The following GABRG3 variants were observed in gnomAD, a reference collection of about 807,000 sequenced individuals.
GABRG3 encodes the protein gamma-aminobutyric acid receptor subunit gamma-3.
In GABRG3, 25 loss-of-function variants were observed where a neutral mutation model predicts 48.8. That is an observed-to-expected ratio of 0.51 (90% CI 0.37 to 0.72). The LOEUF (loss-of-function observed/expected upper bound fraction) is 0.72, where lower values mean the gene tolerates loss of function less well. Among genes scored for constraint, GABRG3 ranks in the 30% least tolerant of loss-of-function variants. The pLI is 0.00. For synonymous variants in GABRG3, 227 were observed against 217.6 expected (o/e 1.04, Z -0.38); for missense variants, 394 against 577.9 (o/e 0.68, Z 3.26).
At chr15:27,313,238 A>ATGTGTGTG (rs1269940849) in intron 3 of GABRG3, among the ~76,000 whole-genome samples, 3 of 77,594 alleles carry the variant, frequency 3.9e-5, no homozygotes, top group Non-Finnish European at 7.3e-5. Flanking sequence ...GTATATGTAT[A>ATGTGTGTG]TATGTGTGTG....
intron 3 of GABRG3, among the ~76,000 whole-genome samples, chr15:27,297,439 C>A (rs1892033985): frequency 6.6e-6 from 1 of 152,136 alleles, no homozygotes; most frequent in Admixed American, 6.6e-5. Context: ...ATGACCTATA[C>A]AGGTGTAGCA....
At chr15:27,245,281 C>G (rs1358624583) in intron 3 of GABRG3, among the ~76,000 whole-genome samples, 1 of 152,072 alleles carries the variant, frequency 6.6e-6, no homozygotes, top group Non-Finnish European at 1.5e-5. Context: ...TTTGGAAACA[C>G]CAGATTTTTC....
intron 3 of GABRG3, among the ~76,000 whole-genome samples, chr15:27,080,860 G>C (rs1406445103): frequency 6.6e-6 from 1 of 152,170 alleles, no homozygotes; most frequent in Non-Finnish European, 1.5e-5. Flanking sequence ...CCAAGCCTGG[G>C]AGGCAAAAGG....
At chr15:27,297,447 G>A (rs1032005520) in intron 3 of GABRG3, among the ~76,000 whole-genome samples, 6 of 152,022 alleles carry the variant, frequency 3.9e-5, no homozygotes, top group African/African-American at 1.2e-4. Context: ...TACAGGTGTA[G>A]CATTTTTTAT....
At chr15:27,510,158 A>G (rs1461353051) in intron 6 of GABRG3, among the ~76,000 whole-genome samples, 1 of 152,086 alleles carries the variant, frequency 6.6e-6, no homozygotes, top group Non-Finnish European at 1.5e-5. Flanking sequence ...CACCTGGACT[A>G]CACTGCTGTT....
At chr15:27,515,167 A>G (rs1268551244) in intron 6 of GABRG3, among the ~76,000 whole-genome samples, 2 of 151,914 alleles carry the variant, frequency 1.3e-5, no homozygotes, top group Non-Finnish European at 2.9e-5. Context: ...TTCTCGGCTC[A>G]CTGCAACCTC....
At chr15:27,503,421 C>T (rs1355069230) in intron 6 of GABRG3, among the ~76,000 whole-genome samples, 2 of 152,182 alleles carry the variant, frequency 1.3e-5, no homozygotes, top group East Asian at 1.9e-4. Flanking sequence ...CCTTCACACC[C>T]TCTTTAACTC....
intron 3 of GABRG3, among the ~76,000 whole-genome samples, chr15:27,129,440 A>G (rs1329418813): frequency 2.0e-5 from 3 of 152,324 alleles, no homozygotes; most frequent in East Asian, 3.9e-4. Flanking sequence ...TTATTTAACC[A>G]TTCAATCTTA....
At chr15:27,408,669 G>C (rs549724441) in intron 5 of GABRG3, among the ~76,000 whole-genome samples, 1 of 152,034 alleles carries the variant, frequency 6.6e-6, no homozygotes, top group Non-Finnish European at 1.5e-5. Flanking sequence ...TTTCTACTTC[G>C]GGGTGACTGC....
At chr15:27,399,837 C>T (rs951661776) in intron 5 of GABRG3, among the ~76,000 whole-genome samples, 4 of 152,228 alleles carry the variant, frequency 2.6e-5, no homozygotes, top group Non-Finnish European at 5.9e-5. Flanking sequence ...CAGAAAAGAT[C>T]GGCGTTGAAT....
intron 5 of GABRG3, among the ~76,000 whole-genome samples, chr15:27,351,148 GTGTA>G (rs1323021736): frequency 2.0e-5 from 3 of 149,304 alleles, no homozygotes; most frequent in Admixed American, 6.7e-5. Flanking sequence ...TATGGTGTGT[GTGTA>G]TGGTGCATGT....
At chr15:27,126,129 A>G (rs562407189) in intron 3 of GABRG3, among the ~76,000 whole-genome samples, 1 of 140,038 alleles carries the variant, frequency 7.1e-6, no homozygotes, top group South Asian at 2.2e-4. Flanking sequence ...AACCAGCGGC[A>G]TGACATAAAA....
rs139411975 is a variant in GABRG3, at chr15:27,420,445, G to A, written c.575-60205G>A. Among the ~76,000 whole-genome samples the A allele has an allele frequency of 9.2e-5, 14 of 152,288 alleles. No homozygotes were observed. In the East Asian group the frequency reaches 2.3e-3, roughly 25 times the overall value. On this transcript the variant is annotated intron_variant, in intron 5 of 9. Coordinates refer to ENST00000615808, the MANE Select transcript of GABRG3 (RefSeq NM_033223.5). ...GAAGAGTTCAACATTTCAGTTATGCGAGATGAGTACGTTCTGGACACCCAG... is the reference window on the plus strand; with the variant it reads ...GAAGAGTTCAACATTTCAGTTATGCAAGATGAGTACGTTCTGGACACCCAG...
intron 3 of GABRG3, among the ~76,000 whole-genome samples, chr15:27,281,181 C>T (rs74371710): frequency 0.016 from 2,440 of 152,136 alleles, 54 homozygotes; most frequent in East Asian, 0.054. Context: ...TTACTTTCAC[C>T]CTACCTATAT....
At position 27,319,325 on chromosome 15, in the gene GABRG3, G is replaced by A. The variant is rs1893341182; in HGVS notation, c.271-7484G>A. 6.6e-6 allele frequency among the ~76,000 whole-genome samples: 1 copy of A among 152,156 alleles called. No individual in the cohort carries two copies. Among genetic ancestry groups the A allele is most frequent in the African/African-American group, 2.4e-5 (1 of 41,438 alleles). On this transcript the variant is annotated intron_variant, in intron 3 of 9. Coordinates refer to ENST00000615808, the MANE Select transcript of GABRG3 (RefSeq NM_033223.5). The surrounding 1 kb of genome is among the most constrained non-coding windows in gnomAD (Gnocchi z 4.4). ...TCTTAGTTCCTATCTGTAGAATGGG[G>A]ATATTCATATTGTTGTGAACATTGG...
chr15:27,399,165 A>G (rs1393528861), intron 5 of GABRG3, among the ~76,000 whole-genome samples: 1 of 152,228 alleles, frequency 6.6e-6, no homozygotes, highest in African/African-American at 2.4e-5. Flanking sequence ...TTTATTACCT[A>G]AAATTATAGT....
At chr15:27,403,296 C>T (rs1202087955) in intron 5 of GABRG3, among the ~76,000 whole-genome samples, 5 of 151,884 alleles carry the variant, frequency 3.3e-5, no homozygotes, top group Non-Finnish European at 4.4e-5. Context: ...ACCAAAGAGC[C>T]AGGCATATGT....
chr15:27,368,279 C>G (rs1435372567), intron 5 of GABRG3, among the ~76,000 whole-genome samples: 1 of 152,126 alleles, frequency 6.6e-6, no homozygotes, highest in Non-Finnish European at 1.5e-5. Flanking sequence ...AGCTTGCCAC[C>G]AGGAAACATG....
chr15:27,084,228 G>C (rs1897038884), intron 3 of GABRG3, among the ~76,000 whole-genome samples: 1 of 152,192 alleles, frequency 6.6e-6, no homozygotes, highest in African/African-American at 2.4e-5. Flanking sequence ...AGCCTTTTGG[G>C]ATTATCCCAC....
Sources: gnomAD v4.1 joint callset for allele counts (sites outside exome capture counted in the v4.1 genomes callset) on GRCh38, gnomAD v4.1.1 for gene constraint, Gnocchi (gnomAD v3.1) non-coding constraint, MANE v1.5 for transcripts, NCBI Gene and HGNC (gene_info 2026-07-23, HGNC 2026-07-21) for gene names.